The following ARPC2 variants were observed in gnomAD, a reference collection of about 807,000 sequenced individuals.
The protein encoded by ARPC2 is actin-related protein 2/3 complex subunit 2.
Under a neutral mutation model 38.6 loss-of-function variants are expected in ARPC2, and 4 were observed. The ratio of observed to expected loss-of-function variants is 0.10; its 90% CI spans 0.05 to 0.24. The LOEUF is 0.24. Ranked by LOEUF, ARPC2 falls within the 10% of genes least tolerant of loss-of-function variation. The probability of loss-of-function intolerance (pLI) is 1.00; values close to 1 mark genes in which losing one functional copy is unlikely to be tolerated. For missense variants in ARPC2, 229 were observed against 387.3 expected (o/e 0.59, Z 3.43); for synonymous variants, 125 against 140.8 (o/e 0.89, Z 0.79).
At chr2:218,239,025 C>G in intron 6 of ARPC2, 175 bp downstream of exon 6, 2 of 598,186 alleles carry the variant, frequency 3.3e-6, no homozygotes, top group Non-Finnish European at 5.9e-6. Flanking sequence ...ACTCCTCCTA[C>G]TCTCCAGATA....
At chr2:218,253,789 T>A (rs1690250411) in intron 10 of ARPC2, 102 bp from the exon 11 acceptor site, 2 of 1,405,524 alleles carry the variant, frequency 1.4e-6, no homozygotes, top group South Asian at 2.8e-5. Flanking sequence ...CCTTTCCACC[T>A]CTCATTTGGT....
intron 3 of ARPC2, 28 bp downstream of exon 3, chr2:218,225,982 A>T: frequency 6.2e-7 from 1 of 1,611,652 alleles, no homozygotes; most frequent in East Asian, 2.2e-5. Flanking sequence ...AGCCCTCTGA[A>T]GAGAAGGTAC....
At chr2:218,240,618 G>A (rs1689889372) in intron 7 of ARPC2, among the ~76,000 whole-genome samples, 3 of 152,236 alleles carry the variant, frequency 2.0e-5, no homozygotes, top group Admixed American at 6.5e-5. Flanking sequence ...GAGGCCAGGC[G>A]CGGTGGCTGA....
chr2:218,225,874 C>T (rs143905486), intron 2 of ARPC2, 46 bp from the exon 3 acceptor site: 3 of 1,597,020 alleles, frequency 1.9e-6, no homozygotes, highest in Non-Finnish European at 1.7e-6. Context: ...TGAAGGTAAG[C>T]AGCAATACAG....
At chr2:218,247,075 T>A (rs1446658360) in intron 8 of ARPC2, among the ~76,000 whole-genome samples, 6 of 151,970 alleles carry the variant, frequency 3.9e-5, no homozygotes, top group African/African-American at 1.5e-4. Flanking sequence ...CAGTGAGCTG[T>A]GATGGCACCA....
intron 7 of ARPC2, among the ~76,000 whole-genome samples, chr2:218,243,314 A>G (rs115722778): frequency 1.8e-3 from 272 of 152,362 alleles, no homozygotes; most frequent in Non-Finnish European, 3.1e-3. Context: ...GAGAGAAATA[A>G]TCTGATGCTC....
intron 3 of ARPC2, among the ~76,000 whole-genome samples, chr2:218,228,411 A>AG (rs1481016196): frequency 1.3e-5 from 2 of 152,322 alleles, no homozygotes; most frequent in African/African-American, 4.8e-5. Context: ...TCAAAAAAAA[A>AG]AAAATCGTTG....
Position 218,217,206 on chromosome 2 carries a change from G to GGCA in ARPC2, c.-55_-54insAGC. 2.7e-6 allele frequency: 1 copy of GGCA among 373,638 alleles called. No individual in the cohort carries two copies. Among genetic ancestry groups the GGCA allele is most frequent in the Non-Finnish European group, 4.9e-6 (1 of 204,866 alleles). The allele number at this position is 373,638 out of a possible 1,614,324, so 23.1% of individuals were successfully genotyped here. On this transcript the variant is annotated 5_prime_UTR_variant, in exon 1 of 11. Coordinates refer to ENST00000315717, the MANE Select transcript of ARPC2 (RefSeq NM_152862.3). The stretch of plus-strand genomic sequence containing the variant: ...CCGGGCTTGTCGGTGAAGCGGCAGT[G>GGCA]GCGGCGGCGGCGGCGGCTCGGCAGG...
rs536751296 is a variant in ARPC2 at position 218,238,020 on chromosome 2, A to G, written c.269-644A>G. Among the ~76,000 whole-genome samples, 12 of 152,310 alleles carry G rather than the reference A, an allele frequency of 7.9e-5. No individual in the cohort carries two copies. In the East Asian group the frequency reaches 1.9e-3, roughly 24 times the overall value. On this transcript the variant is annotated intron_variant, in intron 5 of 10. Transcript: ENST00000315717. Reference sequence around the variant, plus strand: ...TTTCCCTCTGCAAAACAGTAACCTTATCTAGCCTGCAGACTTCAAAGGTGG... The same window carrying G: ...TTTCCCTCTGCAAAACAGTAACCTTGTCTAGCCTGCAGACTTCAAAGGTGG...
rs1454178217 is a variant in ARPC2, at chr2:218,248,250, G to A, written c.677-1114G>A. Among the ~76,000 whole-genome samples the A allele has an allele frequency of 2.6e-5, 4 of 152,158 alleles. 1 individual carries two copies. Among genetic ancestry groups the A allele is most frequent in the Non-Finnish European group, 4.4e-5 (3 of 68,036 alleles). ...TTGAAGTATAGTTGTCTTCTGTTGT[G>A]GTGTTCATTTACTTTCAGGCCAGGG... is the stretch of plus-strand genomic sequence containing the variant. On this transcript the variant is annotated intron_variant, in intron 8 of 10. Transcript: ENST00000315717.
At chr2:218,250,890 C>CAG (rs1054487867) in intron 10 of ARPC2, among the ~76,000 whole-genome samples, 2 of 151,990 alleles carry the variant, frequency 1.3e-5, no homozygotes, top group African/African-American at 4.8e-5. Context: ...TTGGGGGAGA[C>CAG]AGAGTCTCAC....
chr2:218,241,835 A>G (rs1689923266), intron 7 of ARPC2, among the ~76,000 whole-genome samples: 1 of 152,270 alleles, frequency 6.6e-6, no homozygotes, highest in Non-Finnish European at 1.5e-5. Context: ...AGCTAGACTC[A>G]GGAAGTCATC....
At chr2:218,250,058 C>A (rs1171723240) in intron 10 of ARPC2, 137 bp downstream of exon 10, 4 of 688,304 alleles carry the variant, frequency 5.8e-6, no homozygotes, top group Non-Finnish European at 9.6e-6. Flanking sequence ...GTAGATAAAC[C>A]AAAGGTGGGA....
chr2:218,238,273 C>T (rs1230393771), intron 5 of ARPC2, among the ~76,000 whole-genome samples: 2 of 152,078 alleles, frequency 1.3e-5, no homozygotes, highest in South Asian at 2.1e-4. Flanking sequence ...ATATGTGGCT[C>T]CTTTACAACT....
chr2:218,238,510 G>A (rs539529077), intron 5 of ARPC2, among the ~76,000 whole-genome samples, 154 bp from the exon 6 acceptor site: 43 of 150,506 alleles, frequency 2.9e-4, no homozygotes, highest in Non-Finnish European at 5.0e-4. Context: ...CAGATAATGA[G>A]ACAAAATGTC....
At chr2:218,221,937 A>C (rs1689391848) in intron 2 of ARPC2, among the ~76,000 whole-genome samples, 1 of 152,198 alleles carries the variant, frequency 6.6e-6, no homozygotes, top group Non-Finnish European at 1.5e-5. Flanking sequence ...TTCAGGACAT[A>C]AGAAGGGATA....
chr2:218,253,309 G>A (rs1690238582), intron 10 of ARPC2, among the ~76,000 whole-genome samples: 1 of 152,168 alleles, frequency 6.6e-6, no homozygotes, highest in African/African-American at 2.4e-5. Flanking sequence ...TAGCCCATCT[G>A]GAGAAATACT....
intron 10 of ARPC2, among the ~76,000 whole-genome samples, chr2:218,251,566 A>T (rs1690192796): frequency 6.7e-6 from 1 of 150,326 alleles, no homozygotes; most frequent in African/African-American, 2.4e-5. Flanking sequence ...CAATCCTCCC[A>T]TCTCAGCCCC....
intron 3 of ARPC2, among the ~76,000 whole-genome samples, chr2:218,226,645 A>G (rs1357885512): frequency 1.3e-5 from 2 of 151,616 alleles, no homozygotes; most frequent in East Asian, 3.9e-4. Context: ...AAAAAAAAAA[A>G]AAAAGCTTTG....
Sources: allele counts gnomAD v4.1 joint callset (sites outside exome capture counted in the v4.1 genomes callset), GRCh38; gene constraint gnomAD v4.1.1; transcripts MANE v1.5; gene names NCBI Gene and HGNC (gene_info 2026-07-23, HGNC 2026-07-21).